Variants in ARRDC5 observed in about 807,000 individuals in gnomAD.
ARRDC5 encodes arrestin domain containing 5.
ARRDC5 carries 12 observed loss-of-function variants against 13.3 expected under a neutral mutation model. That is an observed-to-expected ratio of 0.90 (90% CI 0.58 to 1.46). ARRDC5 has a LOEUF of 1.46. Among genes scored for constraint, ARRDC5 ranks in the 40% most tolerant of loss-of-function variants. The probability of loss-of-function intolerance (pLI) is 0.00; values close to 1 mark genes in which losing one functional copy is unlikely to be tolerated. For missense variants in ARRDC5, 406 were observed against 418.7 expected (o/e 0.97, Z 0.26); for synonymous variants, 181 against 173.4 (o/e 1.04, Z -0.34).
At chr19:4,908,693 T>C in the ARRDC5 span, among the ~76,000 whole-genome samples, 3 of 152,186 alleles carry the variant, frequency 2.0e-5, no homozygotes, top group Non-Finnish European at 4.4e-5. Context: ...TGGCTGCTGG[T>C]CACTCTCCTA....
intron 1 of ARRDC5, 91 bp from the exon 2 acceptor site, chr19:4,896,967 T>G (rs753575593): frequency 2.1e-5 from 20 of 952,176 alleles, no homozygotes; most frequent in Non-Finnish European, 3.0e-5. Context: ...TTATATTTAT[T>G]TATTTTTGAG....
the ARRDC5 span, chr19:4,909,477 C>G: frequency 3.1e-6 from 2 of 653,054 alleles, no homozygotes; most frequent in Non-Finnish European, 5.5e-6. Flanking sequence ...CTCCCAAATG[C>G]CGAGTTTTCG....
At chr19:4,896,272 G>GA (rs2031706901) in intron 2 of ARRDC5, among the ~76,000 whole-genome samples, 1 of 99,618 alleles carries the variant, frequency 1.0e-5, no homozygotes, top group Non-Finnish European at 2.1e-5. Context: ...CCGAGATCAT[G>GA]CCTCTGCACT....
rs373258141 is a variant in ARRDC5 at position 4,897,597 on chromosome 19, G to A, written c.254-721C>T. Among the ~76,000 whole-genome samples the A allele has an allele frequency of 1.2e-4, 19 of 152,200 alleles. No homozygotes were observed. In the South Asian group the frequency reaches 3.9e-3, roughly 32 times the overall value. On this transcript the variant is annotated intron_variant, in intron 1 of 2. Transcript: ENST00000650722. The stretch of plus-strand genomic sequence containing the variant: ...CAGTGGTGTGATCATGGTCACTGCA[G>A]CCTCCAACTCCTGAGATCAAGTGAT...
the ARRDC5 span, among the ~76,000 whole-genome samples, chr19:4,911,372 G>A: frequency 1.3e-5 from 2 of 152,140 alleles, no homozygotes; most frequent in Non-Finnish European, 2.9e-5. Context: ...AGGAATTTTC[G>A]AGAAAGGGCC....
At chr19:4,896,034 G>C (rs62112502) in intron 2 of ARRDC5, among the ~76,000 whole-genome samples, 1 of 152,180 alleles carries the variant, frequency 6.6e-6, no homozygotes, top group African/African-American at 2.4e-5. Flanking sequence ...AAAAATGTTG[G>C]CCTGGCATGG....
intron 1 of ARRDC5, among the ~76,000 whole-genome samples, chr19:4,899,417 G>A (rs7258837): frequency 0.16 from 24,958 of 151,538 alleles, 3,993 homozygotes; most frequent in African/African-American, 0.42. Flanking sequence ...GATCACCTGA[G>A]GTCAAAAGTT....
In ARRDC5 at chr19:4,890,743, C is replaced by G; in HGVS notation, c.*303G>C. 2.9e-6 allele frequency: 1 copy of G among 344,646 alleles called. No homozygotes were observed. Among genetic ancestry groups the G allele is most frequent in the South Asian group, 3.6e-5 (1 of 27,754 alleles). 21.3% of individuals were successfully genotyped at this position (344,646 alleles called of 1,614,324 possible). ...CATTAGCAGAGGGGAGAATTCTCCC[C>G]AAGTAGGACCCCTGGTCTTGGCACT... is the stretch of plus-strand genomic sequence containing the variant. On this transcript the variant is annotated 3_prime_UTR_variant, in exon 3 of 3. Transcript: ENST00000650722.
chr19:4,915,335 C>T, the ARRDC5 span, among the ~76,000 whole-genome samples: 3 of 152,206 alleles, frequency 2.0e-5, no homozygotes, highest in African/African-American at 4.8e-5. Context: ...TAGGGTGACT[C>T]ACCACTGCTG....
chr19:4,905,777 A>G (rs2146265786), upstream of ARRDC5, among the ~76,000 whole-genome samples: 1 of 152,222 alleles, frequency 6.6e-6, no homozygotes, highest in South Asian at 2.1e-4. Flanking sequence ...TTGGCCTCCC[A>G]AAGTTCTGGG....
At chr19:4,906,259 G>A (rs2032062297), upstream of ARRDC5, among the ~76,000 whole-genome samples, 1 of 152,180 alleles carries the variant, frequency 6.6e-6, no homozygotes, top group Admixed American at 6.6e-5. Context: ...GATTGCAGGT[G>A]TGAGCCACTG....
upstream of ARRDC5, among the ~76,000 whole-genome samples, chr19:4,904,095 G>A (rs544980527): frequency 6.6e-6 from 1 of 152,206 alleles, no homozygotes; most frequent in African/African-American, 2.4e-5. Context: ...TCCTGCCTCA[G>A]CCTCCCAAGT....
At position 4,896,626 on chromosome 19, in the gene ARRDC5, G is replaced by A; in HGVS notation, c.459+45C>T. On this transcript the variant is annotated intron_variant, in intron 2 of 2. Transcript: ENST00000650722. ...CTGCCCACCTTCCCTCTTCCTCCTT[G>A]GAGCTTGGAGATTGTTCCCACCTCC... 2.1e-6 allele frequency: 3 copies of A among 1,460,722 alleles called. 1 individual carries two copies. Among genetic ancestry groups the A allele is most frequent in the Non-Finnish European group, 2.9e-6 (3 of 1,044,280 alleles). The allele number at this position is 1,460,722 out of a possible 1,614,324, so 90.5% of individuals were successfully genotyped here. A position where few individuals can be genotyped will look rare whatever the true frequency, so the allele number is the denominator to read the frequency against.
At chr19:4,898,345 G>C (rs749336807) in intron 1 of ARRDC5, among the ~76,000 whole-genome samples, 2 of 151,898 alleles carry the variant, frequency 1.3e-5, no homozygotes, top group Non-Finnish European at 2.9e-5. Context: ...AAAGATACTA[G>C]GGACCCTGTC....
chr19:4,895,252 T>G (rs1240748608), intron 2 of ARRDC5, among the ~76,000 whole-genome samples: 1 of 151,344 alleles, frequency 6.6e-6, no homozygotes, highest in Non-Finnish European at 1.5e-5. Context: ...GGAAACTCCG[T>G]CTTTACTAAA....
Position 4,896,805 on chromosome 19 carries a change from A to G in ARRDC5, c.325T>C (p.Phe109Leu). The G allele has an allele frequency of 1.2e-6, 2 of 1,613,918 alleles. No homozygotes were observed. Among genetic ancestry groups the G allele is most frequent in the Non-Finnish European group, 1.7e-6 (2 of 1,179,828 alleles). The change falls in exon 2 of 3, where the codon TTC becomes CTC. Residue 109 changes from phenylalanine to leucine, a missense_variant. Physicochemically the swap from Phe to Leu is conservative, Grantham distance 22. Coordinates refer to ENST00000650722, the MANE Select transcript of ARRDC5 (RefSeq NM_001080523.3). Reference protein sequence around the residue: ...FNLPPRLPSTFTSKFGHVFYF... With the variant: ...FNLPPRLPSTLTSKFGHVFYF... ...AAGACATGGCCAAATTTGCTGGTGA[A>G]GGTAGAAGGAAGCCTGGGAGGTAAG...
At chr19:4,903,019 C>CTCACCGGTTCTTTT, upstream of ARRDC5, 1 of 447,144 alleles carries the variant, frequency 2.2e-6, no homozygotes, top group East Asian at 3.6e-5. Flanking sequence ...ACCTGTAGTC[C>CTCACCGGTTCTTTT]TCACTGGTTC....
chr19:4,907,942 C>G, the ARRDC5 span, among the ~76,000 whole-genome samples: 3 of 151,884 alleles, frequency 2.0e-5, no homozygotes, highest in African/African-American at 7.3e-5. Context: ...GAACTCCTGA[C>G]CTCAGGTGAT....
intron 1 of ARRDC5, among the ~76,000 whole-genome samples, chr19:4,901,562 C>T (rs758710799): frequency 2.4e-4 from 36 of 151,934 alleles, no homozygotes; most frequent in Non-Finnish European, 4.3e-4. Flanking sequence ...TGCAGCGAGC[C>T]GAGATGGTGC....
Sources: allele counts gnomAD v4.1 joint callset (sites outside exome capture counted in the v4.1 genomes callset), GRCh38; gene constraint gnomAD v4.1.1; transcripts MANE v1.5; gene names NCBI Gene and HGNC (gene_info 2026-07-23, HGNC 2026-07-21).